Variants in TRDN observed in about 807,000 individuals in gnomAD.
TRDN encodes triadin.
Under a neutral mutation model 149.7 loss-of-function variants are expected in TRDN, and 161 were observed. The ratio of observed to expected loss-of-function variants is 1.08; its 90% CI spans 0.95 to 1.23. TRDN has a LOEUF of 1.23. Among genes scored for constraint, TRDN ranks in the 50% most tolerant of loss-of-function variants. The pLI is 0.00. For missense variants in TRDN, 896 were observed against 823.5 expected (o/e 1.09, Z -1.08); for synonymous variants, 294 against 250.5 (o/e 1.17, Z -1.64).
chr6:123,613,109 G>C (rs1333539524), intron 1 of TRDN, among the ~76,000 whole-genome samples: 2 of 152,112 alleles, frequency 1.3e-5, no homozygotes. Context: ...TACAAAGGAC[G>C]ACTGCATCAT....
chr6:123,312,623 C>T (rs974141451), intron 24 of TRDN, among the ~76,000 whole-genome samples: 1 of 151,924 alleles, frequency 6.6e-6, no homozygotes, highest in Non-Finnish European at 1.5e-5. Context: ...TTTTCAACTG[C>T]ATGGGGGTTA....
chr6:123,256,666 G>GT (rs951442706), intron 35 of TRDN, among the ~76,000 whole-genome samples: 64 of 146,274 alleles, frequency 4.4e-4, no homozygotes, highest in African/African-American at 1.3e-3. Flanking sequence ...GGGGTTGTGT[G>GT]TTTTTTTTTT....
intron 39 of TRDN, among the ~76,000 whole-genome samples, chr6:123,223,407 A>G (rs1775224268): frequency 6.6e-6 from 1 of 151,760 alleles, no homozygotes; most frequent in Admixed American, 6.6e-5. Flanking sequence ...TACCTATATA[A>G]CAAACATACA....
intron 12 of TRDN, among the ~76,000 whole-genome samples, chr6:123,425,948 G>A (rs1774103487): frequency 6.6e-6 from 1 of 151,976 alleles, no homozygotes; most frequent in African/African-American, 2.4e-5. Flanking sequence ...GCACACATAT[G>A]ACATAGCACA....
rs112711808 is a variant in TRDN at position 123,479,886 on chromosome 6, A to G, written c.854-14903T>C. On this transcript the variant is annotated intron_variant, in intron 9 of 40. Coordinates refer to ENST00000334268, the MANE Select transcript of TRDN (RefSeq NM_006073.4). ...TAATATTCCATAGTACAGTAGGAAG[A>G]CATTATTGAGGGGCATTTTAACCCT... Among the ~76,000 whole-genome samples, 1,455 of 152,286 alleles carry G rather than the reference A, an allele frequency of 9.6e-3. 22 individuals carry two copies. The highest frequency in any genetic ancestry group is 0.034 in the African/African-American group (1,403 of 41,572).
At chr6:123,529,572 T>A (rs1780126735) in intron 5 of TRDN, 1 of 499,510 alleles carries the variant, frequency 2.0e-6, no homozygotes, top group African/African-American at 1.9e-5. Flanking sequence ...CACGTGCTAG[T>A]ATAATTTAAT....
chr6:123,535,492 C>T lies in TRDN; in HGVS notation c.425-4927G>A, dbSNP rs767925573. Among the ~76,000 whole-genome samples the T allele has an allele frequency of 5.9e-5, 9 of 152,264 alleles. No individual in the cohort carries two copies. In the East Asian group the frequency reaches 1.7e-3, roughly 29 times the overall value. On this transcript the variant is annotated intron_variant, in intron 4 of 40. Coordinates refer to ENST00000334268, the MANE Select transcript of TRDN (RefSeq NM_006073.4). ...CTCTTAGATCCTTATCGCTATTCAT[C>T]TCTCACTCCAAGACTAAAAGCTTTT...
chr6:123,224,071 G>T (rs753258180), intron 39 of TRDN, 22 bp downstream of exon 39: 2 of 1,595,542 alleles, frequency 1.3e-6, no homozygotes, highest in Non-Finnish European at 1.7e-6. Flanking sequence ...ACTTGTAAAT[G>T]ATCCAAAGAC....
At chr6:123,350,227 T>G in intron 21 of TRDN, 1 of 966,170 alleles carries the variant, frequency 1.0e-6, no homozygotes, top group East Asian at 1.1e-4. Flanking sequence ...GATTTTTAAT[T>G]CTTAAGAGAA....
Position 123,548,582 on chromosome 6 carries a change from G to A in TRDN, c.263C>T (p.Pro88Leu). The A allele has an allele frequency of 6.6e-7, 1 of 1,522,578 alleles. No homozygotes were observed. The highest frequency in any genetic ancestry group is 8.8e-7 in the Non-Finnish European group (1 of 1,134,926). 94.3% of individuals were successfully genotyped at this position (1,522,578 alleles called of 1,614,324 possible). A position where few individuals can be genotyped will look rare whatever the true frequency, so the allele number is the denominator to read the frequency against. Residue 88 changes from proline to leucine, a missense_variant, in exon 3 of 41, where the codon CCT becomes CTT. Pro to Leu is a moderately conservative substitution (Grantham distance 98). Coordinates refer to ENST00000334268, the MANE Select transcript of TRDN (RefSeq NM_006073.4). ...CATAGCATCACGTACCAGTTTTAAA[G>A]GATCTGAGCCAATCTTGGCAATAGA... ...ASSIAKIGSD[P>L]LKLVRDAMEE...
intron 22 of TRDN, among the ~76,000 whole-genome samples, chr6:123,333,713 C>T (rs1779753521): frequency 6.6e-6 from 1 of 152,052 alleles, no homozygotes; most frequent in Non-Finnish European, 1.5e-5. Context: ...CATGGAAACT[C>T]TGCACTTCTG....
chr6:123,609,836 C>T (rs1398783839), intron 1 of TRDN, among the ~76,000 whole-genome samples: 1 of 152,070 alleles, frequency 6.6e-6, no homozygotes. Flanking sequence ...CATTAAAATT[C>T]CTGTCTTTCC....
chr6:123,343,112 G>T (rs530798941), intron 21 of TRDN, among the ~76,000 whole-genome samples: 11 of 151,940 alleles, frequency 7.2e-5, no homozygotes, highest in Non-Finnish European at 1.6e-4. Flanking sequence ...ATATCTGATA[G>T]TCTTCCTGGA....
chr6:123,565,763 C>T (rs1782260538), intron 2 of TRDN, among the ~76,000 whole-genome samples: 1 of 152,356 alleles, frequency 6.6e-6, no homozygotes, highest in East Asian at 1.9e-4. Context: ...ACTGGGCTGG[C>T]TTCTTCAGCG....
At chr6:123,576,484 T>G (rs1782866928) in intron 1 of TRDN, among the ~76,000 whole-genome samples, 1 of 145,606 alleles carries the variant, frequency 6.9e-6, no homozygotes. Flanking sequence ...TTTATTTTTA[T>G]TTTATTTATC....
intron 1 of TRDN, among the ~76,000 whole-genome samples, chr6:123,606,751 A>G (rs1432621589): frequency 6.6e-6 from 1 of 152,152 alleles, no homozygotes; most frequent in Non-Finnish European, 1.5e-5. Flanking sequence ...TTATGTAGCA[A>G]TTTTCAAAAA....
chr6:123,417,296 A>C (rs1203547734), intron 12 of TRDN, among the ~76,000 whole-genome samples: 1 of 150,562 alleles, frequency 6.6e-6, no homozygotes, highest in African/African-American at 2.5e-5. Flanking sequence ...TTATTGGCCT[A>C]AAATCCTACA....
At chr6:123,582,990 C>G (rs939688271) in intron 1 of TRDN, among the ~76,000 whole-genome samples, 1 of 152,046 alleles carries the variant, frequency 6.6e-6, no homozygotes, top group Non-Finnish European at 1.5e-5. Flanking sequence ...GCCTGGATAA[C>G]AGTTTTGTAT....
At chr6:123,457,662 A>G in intron 10 of TRDN, 1 of 404,558 alleles carries the variant, frequency 2.5e-6, no homozygotes, top group South Asian at 1.9e-5. Flanking sequence ...CCATGACACT[A>G]AGCTGAATTA....
Sources: allele counts gnomAD v4.1 joint callset (sites outside exome capture counted in the v4.1 genomes callset), GRCh38; gene constraint gnomAD v4.1.1; transcripts MANE v1.5; gene names NCBI Gene and HGNC (gene_info 2026-07-23, HGNC 2026-07-21).